Variants in CDH13 observed in about 807,000 individuals in gnomAD.
The protein encoded by CDH13 is cadherin 13.
Under a neutral mutation model 63.8 loss-of-function variants are expected in CDH13, and 24 were observed. The ratio of observed to expected loss-of-function variants is 0.38; its 90% confidence interval spans 0.27 to 0.53. The LOEUF is 0.53. Among genes scored for constraint, CDH13 ranks in the 20% least tolerant of loss-of-function variants. The probability of loss-of-function intolerance (pLI) is 0.85; values close to 1 mark genes in which losing one functional copy is unlikely to be tolerated. For synonymous variants in CDH13, 503 were observed against 355.3 expected (o/e 1.42, Z -4.67); for missense variants, 1,049 against 903.1 (o/e 1.16, Z -2.07).
At chr16:83,476,157 A>G (rs2073598154) in intron 6 of CDH13, among the ~76,000 whole-genome samples, 2 of 152,208 alleles carry the variant, frequency 1.3e-5, no homozygotes, top group Admixed American at 1.3e-4. Context: ...TAGACTCTTA[A>G]TACATGCAAA....
intron 3 of CDH13, among the ~76,000 whole-genome samples, chr16:83,052,776 C>CAAAAAAAAAAAA (rs71148805): frequency 2.2e-5 from 2 of 92,920 alleles, no homozygotes; most frequent in African/African-American, 4.8e-5. Flanking sequence ...GACTTTATCT[C>CAAAAAAAAAAAA]AAAAAAAAAA....
At chr16:82,997,538 A>G (rs977274085) in intron 2 of CDH13, among the ~76,000 whole-genome samples, 2 of 152,238 alleles carry the variant, frequency 1.3e-5, no homozygotes, top group African/African-American at 4.8e-5. Context: ...TACATGCACA[A>G]TATATTCTAT....
chr16:83,794,101 C>T (rs944558343), intron 13 of CDH13, among the ~76,000 whole-genome samples: 17 of 152,150 alleles, frequency 1.1e-4, no homozygotes, highest in African/African-American at 4.1e-4. Flanking sequence ...GGATGCTTTC[C>T]TAGAGCCTCC....
At chr16:83,709,859 TGTCTTTCTCA>T (rs1289572710) in intron 10 of CDH13, among the ~76,000 whole-genome samples, 2 of 152,096 alleles carry the variant, frequency 1.3e-5, no homozygotes, top group African/African-American at 4.8e-5. Flanking sequence ...CCTGACCTTA[TGTCTTTCTCA>T]GTTCATTATT....
chr16:82,787,239 T>G (rs1276181731), intron 1 of CDH13, among the ~76,000 whole-genome samples: 2 of 152,182 alleles, frequency 1.3e-5, no homozygotes, highest in Non-Finnish European at 2.9e-5. Context: ...TTGATTTGAC[T>G]TCTTCACCAT....
chr16:83,362,780 C>G (rs761804423), intron 6 of CDH13, among the ~76,000 whole-genome samples: 1 of 152,192 alleles, frequency 6.6e-6, no homozygotes, highest in African/African-American at 2.4e-5. Context: ...CACTTTTATA[C>G]TTATTCGGCG....
chr16:83,255,529 G>A (rs1237831522), intron 5 of CDH13, among the ~76,000 whole-genome samples: 1 of 152,188 alleles, frequency 6.6e-6, no homozygotes, highest in Non-Finnish European at 1.5e-5. Context: ...TGGGCTACGT[G>A]TCCCGCAGAC....
intron 1 of CDH13, among the ~76,000 whole-genome samples, chr16:82,783,554 A>G (rs1349660139): frequency 1.3e-5 from 2 of 152,138 alleles, no homozygotes; most frequent in Admixed American, 6.5e-5. Flanking sequence ...GTAGAGAAAA[A>G]CTTCTTACTC....
At chr16:83,407,444 C>G (rs1038833366) in intron 6 of CDH13, among the ~76,000 whole-genome samples, 1 of 152,180 alleles carries the variant, frequency 6.6e-6, no homozygotes, top group African/African-American at 2.4e-5. Flanking sequence ...GTCCAGGCTG[C>G]TAAAGCAGAT....
intron 7 of CDH13, among the ~76,000 whole-genome samples, chr16:83,555,630 C>T (rs1411406718): frequency 6.6e-6 from 1 of 152,156 alleles, no homozygotes; most frequent in African/African-American, 2.4e-5. Context: ...GTGGAGAAAA[C>T]CAATTGATAA....
chr16:83,480,199 C>T (rs1032718674), intron 6 of CDH13, among the ~76,000 whole-genome samples: 4 of 152,138 alleles, frequency 2.6e-5, no homozygotes, highest in African/African-American at 9.7e-5. Flanking sequence ...ACCTATAGTC[C>T]CAGCTAATTG....
intron 6 of CDH13, among the ~76,000 whole-genome samples, chr16:83,402,734 G>A (rs532465529): frequency 2.8e-4 from 43 of 152,318 alleles, no homozygotes; most frequent in African/African-American, 9.6e-4. Context: ...CTGGCAGAAA[G>A]TCAAAAGTTA....
chr16:82,963,285 A>G (rs1907309068), intron 2 of CDH13, among the ~76,000 whole-genome samples: 2 of 152,142 alleles, frequency 1.3e-5, no homozygotes, highest in African/African-American at 2.4e-5. Context: ...AGGCTGAGGC[A>G]GAAGAATCGC....
chr16:82,759,678 G>A (rs1312760017), intron 1 of CDH13, among the ~76,000 whole-genome samples: 3 of 151,798 alleles, frequency 2.0e-5, no homozygotes, highest in Non-Finnish European at 4.4e-5. Flanking sequence ...AACAAGAAGC[G>A]GCAATTAAAG....
At chr16:83,397,233 A>T (rs1470042325) in intron 6 of CDH13, 1 of 152,130 alleles carries the variant, frequency 6.6e-6, no homozygotes. Flanking sequence ...CACTTTGATT[A>T]TGAGGGGATA....
chr16:83,138,954 C>G (rs1567867772), intron 4 of CDH13, among the ~76,000 whole-genome samples: 1 of 152,136 alleles, frequency 6.6e-6, no homozygotes, highest in Non-Finnish European at 1.5e-5. Context: ...AAGGTCCCCT[C>G]TTAGCTGGGA....
chr16:83,017,774 G>A (rs896892683), intron 2 of CDH13, among the ~76,000 whole-genome samples: 1 of 152,144 alleles, frequency 6.6e-6, no homozygotes, highest in South Asian at 2.1e-4. Flanking sequence ...TCCCCAAGGT[G>A]TGTTCATATG....
At chr16:83,351,305 A>G (rs1222793649) in intron 6 of CDH13, among the ~76,000 whole-genome samples, 3 of 140,334 alleles carry the variant, frequency 2.1e-5, no homozygotes, top group Non-Finnish European at 4.6e-5. Flanking sequence ...TTCCTTAGGT[A>G]GATATATTTT....
chr16:82,641,887 GGGT>G (rs1909444098), intron 1 of CDH13, among the ~76,000 whole-genome samples: 1 of 152,132 alleles, frequency 6.6e-6, no homozygotes, highest in South Asian at 2.1e-4. Context: ...GTCTGCAGGA[GGGT>G]GATGAGTGCC....
Sources: allele counts gnomAD v4.1 joint callset (sites outside exome capture counted in the v4.1 genomes callset), GRCh38; gene constraint gnomAD v4.1.1; transcripts MANE v1.5; gene names NCBI Gene and HGNC (gene_info 2026-07-23, HGNC 2026-07-21).